NUP153: variants seen among roughly 807,000 people sequenced by gnomAD.
NUP153 encodes nucleoporin 153.
A neutral mutation model predicts 134.6 loss-of-function variants in NUP153; 27 were observed. The ratio of observed to expected loss-of-function variants is 0.20; its 90% confidence interval spans 0.15 to 0.28. NUP153 has a LOEUF of 0.28. Among genes scored for constraint, NUP153 ranks in the 10% least tolerant of loss-of-function variants. The pLI is 1.00. For synonymous variants in NUP153, 640 were observed against 623.5 expected (o/e 1.03, Z -0.40); for missense variants, 1,821 against 1,731.3 (o/e 1.05, Z -0.92).
intron 1 of NUP153, among the ~76,000 whole-genome samples, chr6:17,690,847 T>C (rs570111455): frequency 4.8e-4 from 73 of 152,238 alleles, no homozygotes; most frequent in Non-Finnish European, 9.4e-4. Context: ...TTCCTTACTA[T>C]GTGAAAAGGT....
intron 2 of NUP153, among the ~76,000 whole-genome samples, chr6:17,682,936 A>AAC (rs1554145035): frequency 1.4e-5 from 2 of 148,108 alleles, no homozygotes; most frequent in South Asian, 2.1e-4. Context: ...AAAAAAAAAA[A>AAC]AAAAAACACT....
intron 11 of NUP153, 71 bp downstream of exon 11, chr6:17,661,582 G>A: frequency 6.8e-7 from 1 of 1,475,844 alleles, no homozygotes; most frequent in Non-Finnish European, 9.1e-7. Flanking sequence ...ACCCCTACAG[G>A]TCTCCCCTTA....
intron 11 of NUP153, among the ~76,000 whole-genome samples, chr6:17,659,735 T>C (rs1391699717): frequency 1.3e-5 from 2 of 152,196 alleles, no homozygotes; most frequent in African/African-American, 4.8e-5. Flanking sequence ...CCTCCCAAAG[T>C]GCTGGGATTA....
Position 17,625,982 on chromosome 6 carries a change from T to G in NUP153, c.3727A>C (p.Thr1243Pro). 1 of 1,614,176 alleles carries G rather than the reference T, an allele frequency of 6.2e-7. No homozygotes were observed. Among genetic ancestry groups the G allele is most frequent in the East Asian group, 2.2e-5 (1 of 44,874 alleles). ...GACTGAGAGGTGCTGGATTCAGCAGTGTTACCAAAGGCAGAGCTGCTCACA... is the reference window on the plus strand; with the variant it reads ...GACTGAGAGGTGCTGGATTCAGCAGGGTTACCAAAGGCAGAGCTGCTCACA... ...NPVSSSAFGN[T>P]AESSTSQSLL... The change falls in exon 19 of 22, where the codon ACT becomes CCT. Residue 1243 changes from threonine (T) to proline (P), a missense_variant. Physicochemically the swap from Thr to Pro is conservative, Grantham distance 38. Transcript: ENST00000262077. This position sits in a 1 kb window ranked among gnomAD's most constrained non-coding sequence, Gnocchi z 4.7.
In NUP153 at chr6:17,632,862, A is replaced by AAAAC; in HGVS notation, c.2465-19_2465-18insGTTT. On this transcript the variant is annotated intron_variant, in intron 16 of 21. Transcript: ENST00000262077. Reference sequence around the variant, plus strand: ...TGAACTTCCTAAAAAAAAAAAAAAAAACGGGGAGTGGGGGGAGATTTCATG... The same window carrying AAAAC: ...TGAACTTCCTAAAAAAAAAAAAAAAAAAACACGGGGAGTGGGGGGAGATTTCATG... 6.6e-7 allele frequency: 1 copy of AAAAC among 1,512,824 alleles called. No homozygotes were observed. The allele number at this position is 1,512,824 out of a possible 1,614,324, so 93.7% of individuals were successfully genotyped here.
intron 7 of NUP153, 36 bp from the exon 8 acceptor site, chr6:17,669,064 G>A (rs1332879212): frequency 7.2e-7 from 1 of 1,394,642 alleles, no homozygotes; most frequent in Non-Finnish European, 9.7e-7. Context: ...GAATAGATGG[G>A]GAGTTATGAA....
intron 1 of NUP153, among the ~76,000 whole-genome samples, chr6:17,702,234 G>C (rs577938204): frequency 6.6e-6 from 1 of 152,116 alleles, no homozygotes; most frequent in Non-Finnish European, 1.5e-5. Context: ...CTGGCCGGGC[G>C]AGGTAGCTCA....
Position 17,674,890 on chromosome 6 carries a change from T to G in NUP153, c.852+15A>C, listed in dbSNP as rs1223156665. 2 of 1,542,624 alleles carry G rather than the reference T, an allele frequency of 1.3e-6. No individual in the cohort carries two copies. Among genetic ancestry groups the G allele is most frequent in the Non-Finnish European group, 1.7e-6 (2 of 1,148,762 alleles). On this transcript the variant is annotated intron_variant, in intron 5 of 21. Transcript: ENST00000262077. ...AAGAAAAAAAAAGATCATCAACCCT[T>G]CTATTGGAACCTACCTGATAAGGTG...
Position 17,662,019 on chromosome 6 carries a change from T to C in NUP153, c.1267A>G (p.Ser423Gly). Residue 423 changes from serine (S) to glycine (G), a missense_variant and splice_region_variant, in exon 10 of 22, where the codon AGT becomes GGT. Ser to Gly is a moderately conservative substitution (Grantham distance 56). Transcript: ENST00000262077. Reference protein sequence around the residue: ...TPGQNREQRESGFSYPNFSLP... With the variant: ...TPGQNREQREGGFSYPNFSLP... ...TAGCTGTATAAGAAATGACAGTACC[T>C]TTCTCGTTGTTCTCTATTTTGTCCG... is the stretch of plus-strand genomic sequence containing the variant. 6.2e-7 allele frequency: 1 copy of C among 1,603,906 alleles called. No homozygotes were observed. The highest frequency in any genetic ancestry group is 8.5e-7 in the Non-Finnish European group (1 of 1,171,408).
chr6:17,674,334 T>A (rs542396782), intron 5 of NUP153, among the ~76,000 whole-genome samples: 1 of 152,100 alleles, frequency 6.6e-6, no homozygotes, highest in African/African-American at 2.4e-5. Flanking sequence ...ATACGTCATT[T>A]AAAAAAAAGA....
rs368518299 is a variant in NUP153, at chr6:17,665,230, T to C, written c.1215+9A>G. 43 of 1,585,510 alleles carry C rather than the reference T, an allele frequency of 2.7e-5. No homozygotes were observed. The African/African-American group carries it at 3.5e-4, about 13-fold the overall frequency. ...ATTCAAAGACTGGTAGAAATATACA[T>C]ATACTCACACTGCACTTGTTATCTA... is the stretch of plus-strand genomic sequence containing the variant. On this transcript the variant is annotated intron_variant, in intron 9 of 21. Coordinates refer to ENST00000262077, the MANE Select transcript of NUP153 (RefSeq NM_005124.4).
intron 17 of NUP153, 86 bp downstream of exon 17, chr6:17,632,564 G>A (rs780640363): frequency 1.9e-5 from 18 of 930,114 alleles, no homozygotes; most frequent in South Asian, 1.8e-4. Flanking sequence ...AGTGAACACT[G>A]AAGCTGTTCT....
At chr6:17,635,552 C>T (rs959310470) in intron 16 of NUP153, among the ~76,000 whole-genome samples, 2 of 152,094 alleles carry the variant, frequency 1.3e-5, no homozygotes, top group East Asian at 1.9e-4. Flanking sequence ...TAGGCGGGTG[C>T]CACCAAGCCA....
Position 17,638,540 on chromosome 6 carries a change from C to A in NUP153, c.1847-770G>T, listed in dbSNP as rs1765678851. Reference sequence around the variant, plus strand: ...CAAAATACCACATGCTTGAGTTATTCCCAGTGGGCAACGTGTTATTTTGCT... The same window carrying A: ...CAAAATACCACATGCTTGAGTTATTACCAGTGGGCAACGTGTTATTTTGCT... On this transcript the variant is annotated intron_variant, in intron 15 of 21. Transcript: ENST00000262077. This position sits in a 1 kb window ranked among gnomAD's most constrained non-coding sequence, Gnocchi z 4.0. Among the ~76,000 whole-genome samples, 1 of 152,166 alleles carries A rather than the reference C, an allele frequency of 6.6e-6. No homozygotes were observed. Among genetic ancestry groups the A allele is most frequent in the Non-Finnish European group, 1.5e-5 (1 of 68,032 alleles).
intron 1 of NUP153, among the ~76,000 whole-genome samples, chr6:17,696,350 A>G (rs150336462): frequency 5.9e-5 from 9 of 152,300 alleles, no homozygotes; most frequent in African/African-American, 1.9e-4. Flanking sequence ...GCCCAATGTA[A>G]CCCACCTATG....
intron 16 of NUP153, among the ~76,000 whole-genome samples, chr6:17,634,792 T>G (rs1886328): frequency 0.77 from 117,389 of 151,906 alleles, 45,537 homozygotes; most frequent in East Asian, 0.89. Flanking sequence ...GTCTTTAATT[T>G]TATGTCCTCC....
At position 17,632,846 on chromosome 6, in the gene NUP153, T is replaced by TAAAAAAAAAA; in HGVS notation, c.2465-12_2465-3dup. ...TACTTGAAGCAGGTACTGAACTTCCTAAAAAAAAAAAAAAAAACGGGGAGT... is the reference window on the plus strand; with the variant it reads ...TACTTGAAGCAGGTACTGAACTTCCTAAAAAAAAAAAAAAAAAAAAAAAAAAACGGGGAGT... On this transcript the variant is annotated splice_polypyrimidine_tract_variant and splice_region_variant and intron_variant, in intron 16 of 21. Transcript: ENST00000262077. 3 of 864,580 alleles carry TAAAAAAAAAA rather than the reference T, an allele frequency of 3.5e-6. No individual in the cohort carries two copies. Among genetic ancestry groups the TAAAAAAAAAA allele is most frequent in the Non-Finnish European group, 4.6e-6 (3 of 648,392 alleles). The allele number at this position is 864,580 out of a possible 1,614,324, so 53.6% of individuals were successfully genotyped here.
chr6:17,661,352 G>GA (rs1331826188), intron 11 of NUP153, among the ~76,000 whole-genome samples: 2 of 152,126 alleles, frequency 1.3e-5, no homozygotes, highest in African/African-American at 4.8e-5. Context: ...TCCTATTTAT[G>GA]AACTTATTTA....
At chr6:17,619,658 T>G (rs1254349500) in intron 20 of NUP153, 10 of 152,184 alleles carry the variant, frequency 6.6e-5, no homozygotes, top group African/African-American at 1.9e-4. Flanking sequence ...ATGAAAGAAA[T>G]TAAAGAGAAC....
Sources: gnomAD v4.1 joint callset for allele counts (sites outside exome capture counted in the v4.1 genomes callset) on GRCh38, gnomAD v4.1.1 for gene constraint, Gnocchi (gnomAD v3.1) non-coding constraint, MANE v1.5 for transcripts, NCBI Gene and HGNC (gene_info 2026-07-23, HGNC 2026-07-21) for gene names.